MUSK: variants seen among roughly 807,000 people sequenced by gnomAD.
MUSK encodes the protein muscle associated receptor tyrosine kinase.
MUSK carries 55 observed loss-of-function variants against 88.7 expected under a neutral mutation model. The observed-to-expected ratio is 0.62, with a 90% CI of 0.50 to 0.78. The LOEUF is 0.78. Among genes scored for constraint, MUSK ranks in the 30% least tolerant of loss-of-function variants. The pLI, the probability that MUSK is intolerant of heterozygous loss-of-function variation, is 0.00. For synonymous variants in MUSK, 387 were observed against 391.9 expected, an observed-to-expected ratio of 0.99 and a Z score of 0.15; for missense variants, 1,015 against 1,074.3, an observed-to-expected ratio of 0.94 and a Z score of 0.77.
chr9:110,703,207 G>A (rs951800642), intron 5 of MUSK, among the ~76,000 whole-genome samples: 2 of 152,080 alleles, frequency 1.3e-5, no homozygotes, highest in African/African-American at 4.8e-5. Context: ...TATGCTTAAA[G>A]TAATTAAAAA....
intron 2 of MUSK, among the ~76,000 whole-genome samples, chr9:110,686,801 G>A (rs1469721829): frequency 1.3e-5 from 2 of 152,128 alleles, no homozygotes; most frequent in African/African-American, 2.4e-5. Flanking sequence ...CTTATTGGGA[G>A]AAGACACCTA....
At chr9:110,799,867 A>G (rs2078064691) in intron 14 of MUSK, among the ~76,000 whole-genome samples, 1 of 152,178 alleles carries the variant, frequency 6.6e-6, no homozygotes, top group African/African-American at 2.4e-5. Context: ...TGAATCTTAA[A>G]GGCAAAGAGG....
At chr9:110,752,957 C>T (rs1233745741) in intron 7 of MUSK, among the ~76,000 whole-genome samples, 1 of 152,172 alleles carries the variant, frequency 6.6e-6, no homozygotes, top group Non-Finnish European at 1.5e-5. Flanking sequence ...CCAGTCACAA[C>T]CCCATAAAGC....
chr9:110,707,598 A>C (rs1001515299), intron 5 of MUSK, among the ~76,000 whole-genome samples: 1 of 152,212 alleles, frequency 6.6e-6, no homozygotes, highest in African/African-American at 2.4e-5. Flanking sequence ...TGAAGCTTTA[A>C]GCCATTAAGG....
intron 13 of MUSK, among the ~76,000 whole-genome samples, chr9:110,787,035 C>T (rs1053574415): frequency 3.9e-5 from 6 of 152,158 alleles, no homozygotes; most frequent in African/African-American, 9.7e-5. Context: ...ATAGTTCCTA[C>T]GTCATGGAAT....
chr9:110,710,540 T>C (rs368856265), intron 5 of MUSK, among the ~76,000 whole-genome samples: 22 of 152,322 alleles, frequency 1.4e-4, no homozygotes, highest in African/African-American at 4.6e-4. Context: ...ACTGCTCATC[T>C]GGTCTCCAAA....
At chr9:110,767,689 T>G (rs897441425) in intron 8 of MUSK, 131 bp from the exon 9 acceptor site, 13 of 958,572 alleles carry the variant, frequency 1.4e-5, no homozygotes, top group Non-Finnish European at 2.1e-5. Flanking sequence ...ATGGAGCGTG[T>G]CAACCAATTT....
intron 5 of MUSK, among the ~76,000 whole-genome samples, chr9:110,702,665 T>C (rs1028549264): frequency 2.0e-5 from 3 of 152,008 alleles, no homozygotes; most frequent in Non-Finnish European, 4.4e-5. Context: ...TCCCAGCACA[T>C]TGGGAGGCTG....
intron 1 of MUSK, among the ~76,000 whole-genome samples, chr9:110,675,657 C>G (rs930344875): frequency 6.8e-6 from 1 of 146,790 alleles, no homozygotes; most frequent in Non-Finnish European, 1.5e-5. Flanking sequence ...GCAATCTCCA[C>G]CTCCTGGGTT....
At chr9:110,728,071 C>G (rs757313764) in intron 5 of MUSK, among the ~76,000 whole-genome samples, 1 of 152,030 alleles carries the variant, frequency 6.6e-6, no homozygotes, top group African/African-American at 2.4e-5. Context: ...TTTACAATAT[C>G]CTGTGGACCT....
At chr9:110,748,226 C>T (rs1045133324) in intron 7 of MUSK, among the ~76,000 whole-genome samples, 1 of 149,712 alleles carries the variant, frequency 6.7e-6, no homozygotes, top group Non-Finnish European at 1.5e-5. Context: ...CCCTCTTTTC[C>T]TTTTCTTTAA....
intron 7 of MUSK, chr9:110,748,063 G>C (rs2077198495): frequency 4.4e-5 from 27 of 608,896 alleles, no homozygotes; most frequent in Middle Eastern, 2.6e-4. Flanking sequence ...CTTCCTTCTT[G>C]TTTTTCTTAT....
At chr9:110,715,992 A>T (rs1287163411) in intron 5 of MUSK, among the ~76,000 whole-genome samples, 1 of 149,402 alleles carries the variant, frequency 6.7e-6, no homozygotes, top group Non-Finnish European at 1.5e-5. Context: ...GGGAGGAAGG[A>T]GAGCTTCAGG....
chr9:110,674,507 C>T (rs1435026391), intron 1 of MUSK, among the ~76,000 whole-genome samples: 3 of 152,042 alleles, frequency 2.0e-5, no homozygotes, highest in African/African-American at 7.2e-5. Context: ...GAATTTAGTA[C>T]AATTGATCTG....
intron 14 of MUSK, among the ~76,000 whole-genome samples, chr9:110,796,973 A>AGGGGACG (rs2078003851): frequency 4.0e-5 from 1 of 24,790 alleles, no homozygotes; most frequent in African/African-American, 1.9e-4. Flanking sequence ...TGGTGGGGTC[A>AGGGGACG]GGGGAGGGGG....
At chr9:110,756,248 C>T (rs2077323001) in intron 7 of MUSK, among the ~76,000 whole-genome samples, 2 of 151,704 alleles carry the variant, frequency 1.3e-5, no homozygotes, top group South Asian at 2.1e-4. Context: ...GAGGGTCCTT[C>T]GGAAGACTGT....
At chr9:110,689,150 T>A (rs1338982695) in intron 3 of MUSK, among the ~76,000 whole-genome samples, 6 of 126,134 alleles carry the variant, frequency 4.8e-5, no homozygotes, top group Non-Finnish European at 9.3e-5. Flanking sequence ...ACTATATATT[T>A]ATATAAAATA....
rs1325648124 is a variant in MUSK at position 110,787,528 on chromosome 9, A to G, written c.1779-162A>G. ...TATTAGTTGACATCAAGGAGTTTTA[A>G]GTATGTTGTCTTTCTTTGATTCTGT... is the stretch of plus-strand genomic sequence containing the variant. On this transcript the variant is annotated intron_variant, in intron 13 of 14. Coordinates refer to ENST00000374448, the MANE Select transcript of MUSK (RefSeq NM_005592.4). Among the ~76,000 whole-genome samples, 3 of 152,134 alleles carry G rather than the reference A, an allele frequency of 2.0e-5. No homozygotes were observed. The East Asian group carries it at 5.8e-4, about 29-fold the overall frequency.
chr9:110,705,764 G>A (rs2076590463), intron 5 of MUSK, among the ~76,000 whole-genome samples: 1 of 152,180 alleles, frequency 6.6e-6, no homozygotes, highest in Non-Finnish European at 1.5e-5. Flanking sequence ...TCATCTGGGA[G>A]GCAGAAGAAA....
Sources: gnomAD v4.1 joint callset for allele counts (sites outside exome capture counted in the v4.1 genomes callset) on GRCh38, gnomAD v4.1.1 for gene constraint, MANE v1.5 for transcripts, NCBI Gene and HGNC (gene_info 2026-07-23, HGNC 2026-07-21) for gene names.